The following AFAP1 variants were observed in gnomAD, a reference collection of about 807,000 sequenced individuals.
AFAP1 encodes actin filament-associated protein 1.
AFAP1 carries 75 observed loss-of-function variants against 93.9 expected under a neutral mutation model. That is an observed-to-expected ratio of 0.80 (90% CI 0.66 to 0.97). The LOEUF is 0.97. AFAP1 is among the 50% of genes least tolerant of loss of function. The pLI is 0.00. For synonymous variants in AFAP1, 517 were observed against 430.7 expected (o/e 1.20, Z -2.48); for missense variants, 1,201 against 1,050.8 (o/e 1.14, Z -1.98).
In AFAP1 at chr4:7,759,494, G is replaced by A. The variant is rs996080993; in HGVS notation, c.*4271C>T. ...TGTGCCACGTATTTACGGCAGGAAC[G>A]TTTTGGTTTCATTTTAGTTTATTTC... is the stretch of plus-strand genomic sequence containing the variant. On this transcript the variant is annotated 3_prime_UTR_variant, in exon 18 of 18. Coordinates refer to ENST00000420658, the MANE Select transcript of AFAP1 (RefSeq NM_001134647.2). The A allele has an allele frequency of 8.5e-5, 13 of 152,734 alleles. No individual in the cohort carries two copies. Among genetic ancestry groups the A allele is most frequent in the African/African-American group, 2.4e-4 (10 of 41,552 alleles). The allele number at this position is 152,734 out of a possible 1,614,324, so 9.5% of individuals were successfully genotyped here. A position where few individuals can be genotyped will look rare whatever the true frequency, so the allele number is the denominator to read the frequency against.
chr4:7,767,935 G>A (rs576410801), intron 17 of AFAP1, among the ~76,000 whole-genome samples: 4 of 152,296 alleles, frequency 2.6e-5, no homozygotes, highest in Admixed American at 6.5e-5. Context: ...AGTTAGCTGG[G>A]CATAATGGTG....
chr4:7,875,421 T>C (rs1036108293), intron 1 of AFAP1, among the ~76,000 whole-genome samples: 5 of 152,198 alleles, frequency 3.3e-5, no homozygotes, highest in Non-Finnish European at 7.3e-5. Context: ...AAGGTCTTTT[T>C]CATTAATCAA....
At chr4:7,930,667 G>A (rs763097138) in intron 1 of AFAP1, among the ~76,000 whole-genome samples, 1 of 152,172 alleles carries the variant, frequency 6.6e-6, no homozygotes, top group Non-Finnish European at 1.5e-5. Context: ...GTTCCTATCA[G>A]GAAATTACAA....
At chr4:7,861,584 A>G (rs373763333) in intron 3 of AFAP1, among the ~76,000 whole-genome samples, 6 of 152,248 alleles carry the variant, frequency 3.9e-5, no homozygotes, top group Admixed American at 2.6e-4. Flanking sequence ...TTACTTATGC[A>G]TGACAAAGAA....
chr4:7,787,393 G>C (rs748161364), intron 11 of AFAP1, among the ~76,000 whole-genome samples: 1 of 152,224 alleles, frequency 6.6e-6, no homozygotes, highest in South Asian at 2.1e-4. Context: ...TTCTAGCAAT[G>C]ACTGAACTGG....
intron 6 of AFAP1, among the ~76,000 whole-genome samples, chr4:7,823,695 T>C (rs948447930): frequency 3.2e-4 from 48 of 152,346 alleles, no homozygotes; most frequent in Admixed American, 8.5e-4. Flanking sequence ...GTAATCTGAA[T>C]GCTTAGAATG....
chr4:7,906,501 T>C (rs1458643562), intron 1 of AFAP1, among the ~76,000 whole-genome samples: 1 of 152,178 alleles, frequency 6.6e-6, no homozygotes, highest in Non-Finnish European at 1.5e-5. Context: ...GCCAATGTAT[T>C]TGGGCAACCG....
At chr4:7,901,423 T>C (rs1719111014) in intron 1 of AFAP1, among the ~76,000 whole-genome samples, 1 of 152,220 alleles carries the variant, frequency 6.6e-6, no homozygotes, top group African/African-American at 2.4e-5. Flanking sequence ...TGGCTCTCAC[T>C]GTGCGGAATT....
At chr4:7,798,920 T>G in intron 10 of AFAP1, 2 of 987,072 alleles carry the variant, frequency 2.0e-6, no homozygotes, top group Non-Finnish European at 2.4e-6. Flanking sequence ...TCATGCCTCC[T>G]TCTCCTTGCA....
chr4:7,919,782 A>C (rs1363803331), intron 1 of AFAP1, among the ~76,000 whole-genome samples: 2 of 151,958 alleles, frequency 1.3e-5, no homozygotes, highest in African/African-American at 4.8e-5. Context: ...GTTTTTCCTA[A>C]CACTCTCCCT....
At chr4:7,902,288 C>A (rs1719161535) in intron 1 of AFAP1, among the ~76,000 whole-genome samples, 1 of 152,168 alleles carries the variant, frequency 6.6e-6, no homozygotes, top group Non-Finnish European at 1.5e-5. Flanking sequence ...GAACGCTTAT[C>A]CCACCTCGCC....
At chr4:7,847,192 G>C (rs1713801933) in intron 4 of AFAP1, among the ~76,000 whole-genome samples, 1 of 152,146 alleles carries the variant, frequency 6.6e-6, no homozygotes, top group African/African-American at 2.4e-5. Flanking sequence ...AGTATGCTTA[G>C]CCGTGTCCCA....
chr4:7,824,643 G>A (rs932121167), intron 6 of AFAP1, among the ~76,000 whole-genome samples: 2 of 152,150 alleles, frequency 1.3e-5, no homozygotes, highest in Non-Finnish European at 2.9e-5. Flanking sequence ...TTAAAATTAC[G>A]TTTCACAGAA....
At chr4:7,929,532 G>T (rs1157420498) in intron 1 of AFAP1, among the ~76,000 whole-genome samples, 1 of 152,086 alleles carries the variant, frequency 6.6e-6, no homozygotes, top group African/African-American at 2.4e-5. Context: ...CTCCCTCAAA[G>T]TCCAACTCAA....
chr4:7,845,938 G>A (rs183816548), intron 4 of AFAP1, among the ~76,000 whole-genome samples: 8 of 152,306 alleles, frequency 5.3e-5, no homozygotes, highest in Admixed American at 5.2e-4. Context: ...CATGGAGCCG[G>A]GCACGAGGGG....
intron 9 of AFAP1, 43 bp downstream of exon 9, chr4:7,809,567 AACCC>A: frequency 6.4e-7 from 1 of 1,570,082 alleles, no homozygotes; most frequent in African/African-American, 1.4e-5. Context: ...GAGAAAATGA[AACCC>A]ACTTAGGTGC....
chr4:7,880,367 C>A (rs2149195710), intron 1 of AFAP1, among the ~76,000 whole-genome samples: 1 of 147,406 alleles, frequency 6.8e-6, no homozygotes, highest in South Asian at 2.2e-4. Context: ...GCAATCTCTG[C>A]CTTCTGGGTT....
chr4:7,813,297 T>C (rs748382107), intron 8 of AFAP1, among the ~76,000 whole-genome samples: 3 of 152,228 alleles, frequency 2.0e-5, no homozygotes, highest in Non-Finnish European at 4.4e-5. Context: ...GGTTAGAATG[T>C]ACTTCAACCT....
chr4:7,768,011 G>GGCTGTGGTGA (rs1231992725), intron 17 of AFAP1, among the ~76,000 whole-genome samples: 1 of 152,250 alleles, frequency 6.6e-6, no homozygotes, highest in Non-Finnish European at 1.5e-5. Context: ...AGGAGATCAA[G>GGCTGTGGTGA]GCTGTGGTGA....
Sources: allele counts gnomAD v4.1 joint callset (sites outside exome capture counted in the v4.1 genomes callset), GRCh38; gene constraint gnomAD v4.1.1; transcripts MANE v1.5; gene names NCBI Gene and HGNC (gene_info 2026-07-23, HGNC 2026-07-21).